Variants in GASK1A observed in about 807,000 individuals in gnomAD.
GASK1A encodes the protein Golgi-associated kinase 1A.
In GASK1A, 40 loss-of-function variants were observed where a neutral mutation model predicts 41.2. That is an observed-to-expected ratio of 0.97 (90% CI 0.75 to 1.27). The LOEUF (loss-of-function observed/expected upper bound fraction) is 1.27. GASK1A is among the 50% of genes most tolerant of loss of function. The probability of loss-of-function intolerance (pLI) is 0.00; values close to 1 mark genes in which losing one functional copy is unlikely to be tolerated. For missense variants in GASK1A, 678 were observed against 745.1 expected, an observed-to-expected ratio of 0.91 and a Z score of 1.05; for synonymous variants, 316 against 307.1, an observed-to-expected ratio of 1.03 and a Z score of -0.30.
At position 43,055,374 on chromosome 3, in the gene GASK1A, G is replaced by A. The variant is rs1055010206; in HGVS notation, c.1414-58G>A. On this transcript the variant is annotated intron_variant, in intron 3 of 4. Coordinates refer to ENST00000430121, the MANE Select transcript of GASK1A (RefSeq NM_001129908.3). ...CCCTTAATCTTGACCAAGTCCATAGGTGCCAGCCGTAGCTGCACCCTTACC... is the reference window on the plus strand; with the variant it reads ...CCCTTAATCTTGACCAAGTCCATAGATGCCAGCCGTAGCTGCACCCTTACC... 40 of 1,269,878 alleles carry A rather than the reference G, an allele frequency of 3.1e-5. No homozygotes were observed. The Middle Eastern group carries it at 7.3e-4, about 23-fold the overall frequency. 78.7% of individuals were successfully genotyped at this position (1,269,878 alleles called of 1,614,324 possible).
intron 1 of GASK1A, among the ~76,000 whole-genome samples, chr3:42,981,313 T>G (rs978653226): frequency 6.6e-6 from 1 of 152,170 alleles, no homozygotes; most frequent in African/African-American, 2.4e-5. Context: ...TGAAGGGTCT[T>G]GAGGTCCAGA....
At chr3:43,008,884 G>A (rs1278210124) in intron 1 of GASK1A, among the ~76,000 whole-genome samples, 1 of 152,206 alleles carries the variant, frequency 6.6e-6, no homozygotes, top group African/African-American at 2.4e-5. Context: ...TGCTGTGACT[G>A]TAACTGTTAC....
chr3:43,041,681 T>A (rs1184922147), intron 2 of GASK1A, among the ~76,000 whole-genome samples: 1 of 152,266 alleles, frequency 6.6e-6, no homozygotes, highest in Non-Finnish European at 1.5e-5. Flanking sequence ...CCTCTTGGGC[T>A]TCCCCTGCAT....
intron 1 of GASK1A, among the ~76,000 whole-genome samples, chr3:42,983,395 G>A (rs962055675): frequency 2.0e-5 from 3 of 151,958 alleles, no homozygotes; most frequent in Non-Finnish European, 2.9e-5. Context: ...CCAGTCAAGG[G>A]GATGCTTCTG....
intron 1 of GASK1A, among the ~76,000 whole-genome samples, chr3:42,981,555 A>G (rs190474345): frequency 6.6e-6 from 1 of 152,130 alleles, no homozygotes; most frequent in Non-Finnish European, 1.5e-5. Flanking sequence ...GTGGGGAAGA[A>G]GTGGTTCTCA....
At chr3:43,019,757 AACACACAC>A (rs148054172) in intron 1 of GASK1A, among the ~76,000 whole-genome samples, 6 of 146,528 alleles carry the variant, frequency 4.1e-5, no homozygotes, top group Non-Finnish European at 6.0e-5. Context: ...TTCCGTTTTT[AACACACAC>A]ACACACACAC....
intron 1 of GASK1A, among the ~76,000 whole-genome samples, chr3:43,018,078 T>A (rs530499516): frequency 6.6e-6 from 1 of 152,288 alleles, no homozygotes; most frequent in South Asian, 2.1e-4. Flanking sequence ...CTGTGTGAAG[T>A]TACGGGAAGT....
At chr3:43,001,745 T>C (rs1303420549) in intron 1 of GASK1A, among the ~76,000 whole-genome samples, 1 of 152,140 alleles carries the variant, frequency 6.6e-6, no homozygotes, top group East Asian at 1.9e-4. Flanking sequence ...CGGATGTAAT[T>C]AGACTGCTGG....
intron 1 of GASK1A, among the ~76,000 whole-genome samples, chr3:43,009,397 G>A (rs2089452069): frequency 6.6e-6 from 1 of 152,142 alleles, no homozygotes; most frequent in Non-Finnish European, 1.5e-5. Context: ...CAGGTTATCT[G>A]GGCGCATTGA....
intron 1 of GASK1A, among the ~76,000 whole-genome samples, chr3:42,993,643 T>C (rs2089353805): frequency 1.3e-5 from 2 of 152,114 alleles, no homozygotes; most frequent in Non-Finnish European, 2.9e-5. Context: ...TGTGTAGATA[T>C]TCATCAATGT....
In GASK1A at chr3:43,033,524, C is replaced by A; in HGVS notation, c.1261C>A (p.Arg421Ser). ...CPGIHHTEWA[R>S]LALFDFLLQV... ...GGGCATCCACCATACCGAGTGGGCA[C>A]GCCTGGCGCTCTTCGACTTCCTGTT... Residue 421 changes from arginine (R) to serine (S), a missense_variant, in exon 2 of 5, where the codon CGC becomes AGC. Transcript: ENST00000430121. 2 of 1,539,904 alleles carry A rather than the reference C, an allele frequency of 1.3e-6. No homozygotes were observed. The highest frequency in any genetic ancestry group is 8.8e-7 in the Non-Finnish European group (1 of 1,139,158).
intron 1 of GASK1A, among the ~76,000 whole-genome samples, chr3:42,994,397 T>C (rs942852963): frequency 6.6e-6 from 1 of 152,078 alleles, no homozygotes; most frequent in African/African-American, 2.4e-5. Context: ...GAGGAAGCAC[T>C]GATAGGGAGG....
intron 2 of GASK1A, among the ~76,000 whole-genome samples, chr3:43,053,011 A>C (rs973656773): frequency 6.6e-6 from 1 of 152,150 alleles, no homozygotes; most frequent in African/African-American, 2.4e-5. Flanking sequence ...CTGACTGCAC[A>C]CCACATTGAG....
At chr3:43,015,955 G>C (rs1170567345) in intron 1 of GASK1A, among the ~76,000 whole-genome samples, 1 of 143,224 alleles carries the variant, frequency 7.0e-6, no homozygotes, top group Non-Finnish European at 1.6e-5. Flanking sequence ...GGAAGGGTCT[G>C]TGTGAAGCCA....
At chr3:43,018,005 TGAAGTCACAG>T (rs1425056963) in intron 1 of GASK1A, among the ~76,000 whole-genome samples, 2 of 152,026 alleles carry the variant, frequency 1.3e-5, no homozygotes, top group African/African-American at 4.8e-5. Context: ...AGTGGCCGTA[TGAAGTCACAG>T]GAAGGGCTGC....
At chr3:43,011,697 G>A (rs1239706141) in intron 1 of GASK1A, among the ~76,000 whole-genome samples, 1 of 151,930 alleles carries the variant, frequency 6.6e-6, no homozygotes, top group Non-Finnish European at 1.5e-5. Flanking sequence ...TCACAGGAAG[G>A]GGCTGTGTGG....
rs115717660 is a variant in GASK1A, at chr3:43,028,370, G to A, written c.4-3897G>A. ...TCAGGTTAACTTTGGAAGGCCCTTGGCCAAAAGGAGGGGTCCATTCAGATG... is the reference window on the plus strand; with the variant it reads ...TCAGGTTAACTTTGGAAGGCCCTTGACCAAAAGGAGGGGTCCATTCAGATG... On this transcript the variant is annotated intron_variant, in intron 1 of 4. Transcript: ENST00000430121. Among the ~76,000 whole-genome samples the A allele has an allele frequency of 4.3e-3, 652 of 152,294 alleles. 9 individuals are homozygous for A. Among genetic ancestry groups the A allele is most frequent in the African/African-American group, 0.015 (631 of 41,550 alleles).
chr3:43,043,929 CCAGA>C (rs2089649586), intron 2 of GASK1A, among the ~76,000 whole-genome samples: 1 of 152,196 alleles, frequency 6.6e-6, no homozygotes, highest in African/African-American at 2.4e-5. Flanking sequence ...AAAAAACCAA[CCAGA>C]CAGTGTGGCA....
Position 43,053,576 on chromosome 3 carries a change from C to T in GASK1A, c.1346C>T (p.Pro449Leu), listed in dbSNP as rs995197198. The T allele has an allele frequency of 6.4e-7, 1 of 1,551,610 alleles. No homozygotes were observed. The highest frequency in any genetic ancestry group is 1.4e-5 in the African/African-American group (1 of 73,056). ...CCGFEPEPSD[P>L]CVEERLREKC... Reference sequence around the variant, plus strand: ...GGCTTCGAGCCTGAGCCCTCAGACCCCTGTGTGGAAGAGAGGCTCCGAGAG... The same window carrying T: ...GGCTTCGAGCCTGAGCCCTCAGACCTCTGTGTGGAAGAGAGGCTCCGAGAG... The change falls in exon 3 of 5, where the codon CCC (proline) becomes CTC (leucine). Residue 449 changes from proline to leucine, a missense_variant. Transcript: ENST00000430121.
Sources: allele counts gnomAD v4.1 joint callset (sites outside exome capture counted in the v4.1 genomes callset), GRCh38; gene constraint gnomAD v4.1.1; transcripts MANE v1.5; gene names NCBI Gene and HGNC (gene_info 2026-07-23, HGNC 2026-07-21).